The following WDR83 variants were observed in gnomAD, a reference collection of about 807,000 sequenced individuals.
WDR83 encodes the protein WD repeat domain-containing protein 83.
A neutral mutation model predicts 37.7 loss-of-function variants in WDR83; 37 were observed. That is an observed-to-expected ratio of 0.98 (90% CI 0.76 to 1.29). WDR83 has a LOEUF of 1.29. WDR83 is among the 50% of genes most tolerant of loss of function. The pLI is 0.00. For synonymous variants in WDR83, 174 were observed against 181.1 expected (o/e 0.96, Z 0.31); for missense variants, 445 against 414.4 (o/e 1.07, Z -0.64).
chr19:12,672,978 CCTCA>C (rs764295128), intron 8 of WDR83, 26 bp from the exon 9 acceptor site: 475 of 1,602,604 alleles, frequency 3.0e-4, no homozygotes, highest in Admixed American at 5.0e-4. Context: ...GGCACCCCAC[CCTCA>C]CTCACCTACC....
At chr19:12,674,952 A>G (rs553138158) in intron 10 of WDR83, among the ~76,000 whole-genome samples, 2 of 151,876 alleles carry the variant, frequency 1.3e-5, no homozygotes, top group South Asian at 2.1e-4. Context: ...CATCTGTACT[A>G]AAAATACAAA....
chr19:12,672,571 G>A (rs1283253144), intron 7 of WDR83: 2 of 464,448 alleles, frequency 4.3e-6, no homozygotes, highest in Non-Finnish European at 4.0e-6. Context: ...TCATGCCATT[G>A]CACTCCAGCC....
chr19:12,672,973 C>A (rs1568314619), intron 8 of WDR83, 35 bp from the exon 9 acceptor site: 1 of 1,600,060 alleles, frequency 6.2e-7, no homozygotes, highest in East Asian at 2.3e-5. Flanking sequence ...CCAGGGGCAC[C>A]CCACCCTCAC....
chr19:12,666,822 A>C lies in WDR83; in HGVS notation c.-327A>C. 4 of 986,472 alleles carry C rather than the reference A, an allele frequency of 4.1e-6. No homozygotes were observed. Among genetic ancestry groups the C allele is most frequent in the Non-Finnish European group, 4.4e-6 (3 of 684,660 alleles). The allele number at this position is 986,472 out of a possible 1,614,324, so 61.1% of individuals were successfully genotyped here. On this transcript the variant is annotated 5_prime_UTR_variant, in exon 1 of 11. Coordinates refer to ENST00000418543, the MANE Select transcript of WDR83 (RefSeq NM_001099737.3). Reference sequence around the variant, plus strand: ...GGGCCAGGGCGCGGTCTGGAGGCTCACGGGAGAGAGGCTGTAGCCCTGGGC... The same window carrying C: ...GGGCCAGGGCGCGGTCTGGAGGCTCCCGGGAGAGAGGCTGTAGCCCTGGGC...
Position 12,670,071 on chromosome 19 carries a change from C to A in WDR83, c.198C>A (p.His66Gln), listed in dbSNP as rs771111048. ...CGCTGCTGCGGACGTACAGCGGCCA[C>A]GGCTACGAGGTGCTGGATGCGGCCG... ...RGTLLRTYSG[H>Q]GYEVLDAAGS... Residue 66 changes from histidine (H) to glutamine (Q), a missense_variant, in exon 4 of 11, where the codon CAC becomes CAA. Transcript: ENST00000418543. The A allele has an allele frequency of 3.1e-6, 5 of 1,612,264 alleles. No homozygotes were observed. Among genetic ancestry groups the A allele is most frequent in the Non-Finnish European group, 4.2e-6 (5 of 1,178,908 alleles).
chr19:12,673,460 C>A, intron 10 of WDR83, 144 bp downstream of exon 10: 2 of 623,222 alleles, frequency 3.2e-6, no homozygotes, highest in Non-Finnish European at 5.4e-6. Context: ...CTCTGTCGCC[C>A]AGGCTAGAGT....
intron 5 of WDR83, 137 bp from the exon 6 acceptor site, chr19:12,670,426 T>C (rs2024377869): frequency 1.3e-6 from 2 of 1,508,792 alleles, no homozygotes; most frequent in Non-Finnish European, 1.8e-6. Context: ...GGCTAGGCAG[T>C]CACCAACCCC....
intron 2 of WDR83, chr19:12,669,523 G>A (rs747732160): frequency 1.3e-5 from 17 of 1,284,046 alleles, no homozygotes; most frequent in Non-Finnish European, 1.9e-5. Flanking sequence ...CCTCATGACA[G>A]AGGCTTGGAC....
rs58676851 is a variant in WDR83, at chr19:12,673,410, C to CTT, written c.798+119_798+120dup. 1,312 of 247,292 alleles carry CTT rather than the reference C, an allele frequency of 5.3e-3. 1 individual carries two copies. Among genetic ancestry groups the CTT allele is most frequent in the South Asian group, 6.6e-3 (228 of 34,414 alleles). 15.3% of individuals were successfully genotyped at this position (247,292 alleles called of 1,614,324 possible). On this transcript the variant is annotated intron_variant, in intron 10 of 10. Transcript: ENST00000418543. ...CACTCCAGGGCCTGAAGGCTAGGAT[C>CTT]TTTTTTTTTTTTTTTTTTTTTTTTT...
Position 12,669,735 on chromosome 19 carries a change from G to A in WDR83, c.-36-20G>A, listed in dbSNP as rs61735689. The stretch of plus-strand genomic sequence containing the variant: ...TTACACCCAAGCGTGGGTTTCTAAG[G>A]CGCGGAATTTTCCGTACAGACCGAT... On this transcript the variant is annotated intron_variant, in intron 2 of 10. Coordinates refer to ENST00000418543, the MANE Select transcript of WDR83 (RefSeq NM_001099737.3). The A allele has an allele frequency of 1.5e-5, 22 of 1,516,308 alleles. No homozygotes were observed. Among genetic ancestry groups the A allele is most frequent in the Non-Finnish European group, 2.0e-5 (22 of 1,126,850 alleles). The allele number at this position is 1,516,308 out of a possible 1,614,324, so 93.9% of individuals were successfully genotyped here.
chr19:12,675,805 G>C lies in WDR83; in HGVS notation c.*133G>C, dbSNP rs779366175. On this transcript the variant is annotated 3_prime_UTR_variant, in exon 11 of 11. Transcript: ENST00000418543. ...TGGGTCTGCAAATTAATAAATAGAA[G>C]AGGGGGTAAGACCTTCCTGGGACCG... 1 of 1,570,932 alleles carries C rather than the reference G, an allele frequency of 6.4e-7. No individual in the cohort carries two copies. The highest frequency in any genetic ancestry group is 1.2e-5 in the South Asian group (1 of 85,910).
chr19:12,670,136 T>A, intron 4 of WDR83, 39 bp downstream of exon 4: 2 of 1,607,138 alleles, frequency 1.2e-6, no homozygotes, highest in Non-Finnish European at 1.7e-6. Flanking sequence ...GCGCTGAGGC[T>A]GGGATCCGAG....
At position 12,667,002 on chromosome 19, in the gene WDR83, G is replaced by A. The variant is rs975622865; in HGVS notation, c.-157+10G>A. ...ATGCCTCTTAATGCCGGTAGGAGCAGAAGTGCTTTTCCTAAGGGGGCCGGG... is the reference window on the plus strand; with the variant it reads ...ATGCCTCTTAATGCCGGTAGGAGCAAAAGTGCTTTTCCTAAGGGGGCCGGG... On this transcript the variant is annotated intron_variant, in intron 1 of 10. Transcript: ENST00000418543. The A allele has an allele frequency of 4.0e-5, 20 of 499,570 alleles. No homozygotes were observed. In the South Asian group the frequency reaches 4.5e-4, roughly 11 times the overall value. 30.9% of individuals were successfully genotyped at this position (499,570 alleles called of 1,614,324 possible). A position where few individuals can be genotyped will look rare whatever the true frequency, so the allele number is the denominator to read the frequency against.
In WDR83 at chr19:12,666,891, A is replaced by G; in HGVS notation, c.-258A>G. ...AGGAAGGTAGGAAAATGCCACCCTCAGGGCACTGGTTGGGCTAAAGGTGAC... is the reference window on the plus strand; with the variant it reads ...AGGAAGGTAGGAAAATGCCACCCTCGGGGCACTGGTTGGGCTAAAGGTGAC... On this transcript the variant is annotated 5_prime_UTR_variant, in exon 1 of 11. Transcript: ENST00000418543. 1.7e-6 allele frequency: 1 copy of G among 603,116 alleles called. No homozygotes were observed. The highest frequency in any genetic ancestry group is 2.9e-6 in the Non-Finnish European group (1 of 343,922). The allele number at this position is 603,116 out of a possible 1,614,324, so 37.4% of individuals were successfully genotyped here. A position where few individuals can be genotyped will look rare whatever the true frequency, so the allele number is the denominator to read the frequency against.
At position 12,675,787 on chromosome 19, in the gene WDR83, G is replaced by A; in HGVS notation, c.*115G>A. 6.4e-7 allele frequency: 1 copy of A among 1,566,624 alleles called. No individual in the cohort carries two copies. The highest frequency in any genetic ancestry group is 2.3e-5 in the East Asian group (1 of 44,114). ...AAAAAGTAGGGGAGGGGCTGGGTCT[G>A]CAAATTAATAAATAGAAGAGGGGGT... On this transcript the variant is annotated 3_prime_UTR_variant, in exon 11 of 11. Transcript: ENST00000418543.
chr19:12,673,118 T>A lies in WDR83; in HGVS notation c.683+2T>A. The A allele has an allele frequency of 6.2e-7, 1 of 1,612,302 alleles. No homozygotes were observed. Among genetic ancestry groups the A allele is most frequent in the East Asian group, 2.2e-5 (1 of 44,812 alleles). On this transcript the variant is annotated splice_donor_variant, in intron 9 of 10. Coordinates refer to ENST00000418543, the MANE Select transcript of WDR83 (RefSeq NM_001099737.3). LOFTEE classifies it high-confidence loss of function. ...AGACACAGGGGAGCTGCTGGGCGAG[T>A]GAGTCCTTGTGGTCGTGGGGATCCC... is the stretch of plus-strand genomic sequence containing the variant.
Position 12,675,651 on chromosome 19 carries a change from G to A in WDR83, c.927G>A (p.Glu309=), listed in dbSNP as rs2024554132. The change falls in exon 11 of 11, where the codon GAG becomes GAA. Residue 309 remains glutamate (E), a synonymous_variant. Coordinates refer to ENST00000418543, the MANE Select transcript of WDR83 (RefSeq NM_001099737.3). Reference sequence around the variant, plus strand: ...AGTGCTGGCGAGAGGAGGCCTATGAGGCAGAGGATGGAGCAGGCTGAAGCC... The same window carrying A: ...AGTGCTGGCGAGAGGAGGCCTATGAAGCAGAGGATGGAGCAGGCTGAAGCC... ...SVQCWREEAY[E]AEDGAG The A allele has an allele frequency of 3.1e-6, 5 of 1,601,270 alleles. No homozygotes were observed. Among genetic ancestry groups the A allele is most frequent in the African/African-American group, 2.7e-5 (2 of 74,896 alleles).
rs368072146 is a variant in WDR83 at position 12,669,806 on chromosome 19, C to G, written c.16C>G (p.Pro6Ala). The change falls in exon 3 of 11, where the codon CCA becomes GCA. Residue 6 changes from proline to alanine, a missense_variant. Transcript: ENST00000418543. ...TCCTGGGAGCATGGCTTTCCCTGAG[C>G]CAAAGCCGCGGCCTCCAGAGCTGCC... MAFPE[P>A]KPRPPELPQK... The G allele has an allele frequency of 1.2e-6, 2 of 1,608,976 alleles. No individual in the cohort carries two copies. Among genetic ancestry groups the G allele is most frequent in the African/African-American group, 2.7e-5 (2 of 74,798 alleles).
chr19:12,666,892 G>A lies in WDR83; in HGVS notation c.-257G>A. On this transcript the variant is annotated 5_prime_UTR_variant, in exon 1 of 11. Transcript: ENST00000418543. Reference sequence around the variant, plus strand: ...GGAAGGTAGGAAAATGCCACCCTCAGGGCACTGGTTGGGCTAAAGGTGACA... The same window carrying A: ...GGAAGGTAGGAAAATGCCACCCTCAAGGCACTGGTTGGGCTAAAGGTGACA... The A allele has an allele frequency of 1.7e-6, 1 of 603,052 alleles. No individual in the cohort carries two copies. Among genetic ancestry groups the A allele is most frequent in the South Asian group, 2.0e-5 (1 of 49,550 alleles). The allele number at this position is 603,052 out of a possible 1,614,324, so 37.4% of individuals were successfully genotyped here. A position where few individuals can be genotyped will look rare whatever the true frequency, so the allele number is the denominator to read the frequency against.
Sources: gnomAD v4.1 joint callset for allele counts (sites outside exome capture counted in the v4.1 genomes callset) on GRCh38, gnomAD v4.1.1 for gene constraint, MANE v1.5 for transcripts, NCBI Gene and HGNC (gene_info 2026-07-23, HGNC 2026-07-21) for gene names.